The following OSTM1 variants were observed in gnomAD, a reference collection of about 807,000 sequenced individuals.
The protein encoded by OSTM1 is osteoclastogenesis associated transmembrane protein 1.
A neutral mutation model predicts 35.4 loss-of-function variants in OSTM1; 26 were observed. The ratio of observed to expected loss-of-function variants is 0.73; its 90% CI spans 0.54 to 1.02. The LOEUF (loss-of-function observed/expected upper bound fraction) is 1.02, where lower values mean the gene tolerates loss of function less well. Among genes scored for constraint, OSTM1 ranks in the 50% least tolerant of loss-of-function variants. OSTM1 has a pLI of 0.00. For missense variants in OSTM1, 366 were observed against 409.6 expected, an observed-to-expected ratio of 0.89 and a Z score of 0.92; for synonymous variants, 181 against 165.0, an observed-to-expected ratio of 1.10 and a Z score of -0.75.
rs756774154 is a variant in OSTM1, at chr6:108,051,246, A to G, written c.616-48T>C. 2.2e-6 allele frequency: 3 copies of G among 1,337,846 alleles called. No homozygotes were observed. In the Admixed American group the frequency reaches 5.2e-5, roughly 23 times the overall value. The allele number at this position is 1,337,846 out of a possible 1,614,324, so 82.9% of individuals were successfully genotyped here. ...AATATATACAATAAACATTATATAC[A>G]ATATCTCTTTAATGTAAGCTATTTA... On this transcript the variant is annotated intron_variant, in intron 3 of 5. Transcript: ENST00000193322.
chr6:108,054,136 A>T (rs1772129430), intron 3 of OSTM1, among the ~76,000 whole-genome samples: 1 of 152,252 alleles, frequency 6.6e-6, no homozygotes, highest in Non-Finnish European at 1.5e-5. Flanking sequence ...TATAGACAGA[A>T]TCATACTACA....
rs35984071 is a variant in OSTM1, at chr6:108,052,511, C to CTTTTTT, written c.616-1319_616-1314dup. ...TAATCTAGATGGGGAGTAATTTAAC[C>CTTTTTT]TTTTTTTTTTTTTTTTTTTTTGAGA... On this transcript the variant is annotated intron_variant, in intron 3 of 5. Transcript: ENST00000193322. 1.7e-3 allele frequency among the ~76,000 whole-genome samples: 180 copies of CTTTTTT among 108,078 alleles called. 3 individuals are homozygous for CTTTTTT. Among genetic ancestry groups the CTTTTTT allele is most frequent in the African/African-American group, 4.6e-3 (127 of 27,410 alleles). 70.9% of individuals were successfully genotyped at this position (108,078 alleles called of 152,430 possible). A position where few individuals can be genotyped will look rare whatever the true frequency, so the allele number is the denominator to read the frequency against.
chr6:108,053,578 T>C (rs1168693525), intron 3 of OSTM1, among the ~76,000 whole-genome samples: 1 of 152,206 alleles, frequency 6.6e-6, no homozygotes, highest in South Asian at 2.1e-4. Context: ...TGGCACGATC[T>C]CAACTCACTG....
intron 2 of OSTM1, among the ~76,000 whole-genome samples, chr6:108,061,329 T>C (rs994711049): frequency 3.3e-5 from 5 of 152,172 alleles, no homozygotes; most frequent in Non-Finnish European, 5.9e-5. Flanking sequence ...TAATGACTTA[T>C]AGGTACACAA....
chr6:108,072,615 C>G (rs550643283), intron 1 of OSTM1, among the ~76,000 whole-genome samples: 23 of 122,598 alleles, frequency 1.9e-4, no homozygotes, highest in Non-Finnish European at 3.3e-4. Flanking sequence ...CCAGCCTGGG[C>G]AACAGAGCAA....
intron 1 of OSTM1, among the ~76,000 whole-genome samples, chr6:108,073,321 A>T (rs1202332108): frequency 6.6e-6 from 1 of 152,070 alleles, no homozygotes; most frequent in Non-Finnish European, 1.5e-5. Context: ...TTTTTCCTTT[A>T]CCAAGCATAT....
intron 2 of OSTM1, 52 bp from the exon 3 acceptor site, chr6:108,054,639 T>C (rs773851825): frequency 1.2e-6 from 1 of 838,416 alleles, no homozygotes; most frequent in Non-Finnish European, 2.0e-6. Flanking sequence ...AACAATTCTA[T>C]GTTGTCATTT....
intron 2 of OSTM1, among the ~76,000 whole-genome samples, chr6:108,060,501 T>A (rs1772254024): frequency 6.6e-6 from 1 of 152,162 alleles, no homozygotes; most frequent in Admixed American, 6.5e-5. Context: ...GAGGATTGCT[T>A]GAGTCTAGGA....
At chr6:108,047,547 C>T (rs1171696032) in intron 5 of OSTM1, among the ~76,000 whole-genome samples, 1 of 152,144 alleles carries the variant, frequency 6.6e-6, no homozygotes, top group African/African-American at 2.4e-5. Flanking sequence ...CACTATGTGG[C>T]GTATGGATTT....
At chr6:108,063,459 T>C (rs1031825988) in intron 2 of OSTM1, among the ~76,000 whole-genome samples, 6 of 152,362 alleles carry the variant, frequency 3.9e-5, no homozygotes, top group African/African-American at 9.6e-5. Context: ...AAAGCATTTA[T>C]GTGTCTGTCC....
chr6:108,074,334 G>A lies in OSTM1; in HGVS notation c.318C>T (p.Ala106=), dbSNP rs145094533. Residue 106 remains alanine, a synonymous_variant, in exon 1 of 6, where the codon GCC becomes GCT. Transcript: ENST00000193322. The part of the protein sequence containing the change: ...AELTGCLVRS[A]RPVRLCQTCY... ...AGGTCTGACAGAGGCGCACGGGCCG[G>A]GCGCTGCGCACCAGACACCCTGTCA... 3.5e-5 allele frequency: 56 copies of A among 1,610,372 alleles called. No homozygotes were observed. Among genetic ancestry groups the A allele is most frequent in the Non-Finnish European group, 4.6e-5 (54 of 1,179,232 alleles).
chr6:108,067,828 T>TAAAAAAAAAA (rs60932026), intron 1 of OSTM1, among the ~76,000 whole-genome samples: 1 of 77,802 alleles, frequency 1.3e-5, no homozygotes, highest in Non-Finnish European at 2.5e-5. Context: ...AGCCTCTGTC[T>TAAAAAAAAAA]AAAAAAAAAA....
intron 1 of OSTM1, 121 bp downstream of exon 1, chr6:108,074,129 T>G: frequency 1.0e-6 from 1 of 983,948 alleles, no homozygotes; most frequent in South Asian, 1.5e-5. Context: ...CTCTACAGAC[T>G]CAGTCCAACC....
rs1772547434 is a variant in OSTM1 at position 108,074,344 on chromosome 6, AC to A, written c.307del (p.Val103CysfsTer45). The A allele has an allele frequency of 6.2e-7, 1 of 1,608,462 alleles. No homozygotes were observed. The highest frequency in any genetic ancestry group is 8.5e-7 in the Non-Finnish European group (1 of 1,178,298). On this transcript the variant is annotated frameshift_variant, in exon 1 of 6. Transcript: ENST00000193322. LOFTEE classifies it high-confidence loss of function. Reference sequence around the variant, plus strand: ...GAGGCGCACGGGCCGGGCGCTGCGCACCAGACACCCTGTCAGCTCTGCGCTG... The same window carrying A: ...GAGGCGCACGGGCCGGGCGCTGCGCACAGACACCCTGTCAGCTCTGCGCTG... ...NSSAELTGCL[V>X]RSARPVRLCQ... is the part of the protein sequence containing the mutation.
At position 108,051,142 on chromosome 6, in the gene OSTM1, G is replaced by A. The variant is rs368513018; in HGVS notation, c.672C>T (p.Cys224=). The change falls in exon 4 of 6, where the codon TGC becomes TGT. Residue 224 remains cysteine (C), a synonymous_variant. Coordinates refer to ENST00000193322, the MANE Select transcript of OSTM1 (RefSeq NM_014028.4). ...TACTCAGAGTTTTGTATGCTTCACG[G>A]CAGTTTTTGCATACTTCTGAATAAT... ...TKNYSEVCKN[C]REAYKTLSSL... The A allele has an allele frequency of 6.2e-7, 1 of 1,612,900 alleles. No individual in the cohort carries two copies. The highest frequency in any genetic ancestry group is 1.3e-5 in the African/African-American group (1 of 74,972).
rs140067068 is a variant in OSTM1, at chr6:108,043,178, C to T, written c.*1607G>A. ...GAACATGTCATTTTCTAACTCTGCA[C>T]ATGTAAACTTGTTTTATCTGCATTA... On this transcript the variant is annotated 3_prime_UTR_variant, in exon 6 of 6. Coordinates refer to ENST00000193322, the MANE Select transcript of OSTM1 (RefSeq NM_014028.4). 2.0e-4 allele frequency: 31 copies of T among 152,324 alleles called. No individual in the cohort carries two copies. The East Asian group carries it at 5.6e-3, about 27-fold the overall frequency. 9.4% of individuals were successfully genotyped at this position (152,324 alleles called of 1,614,324 possible). A position where few individuals can be genotyped will look rare whatever the true frequency, so the allele number is the denominator to read the frequency against.
chr6:108,063,185 A>C (rs1772317118), intron 2 of OSTM1, among the ~76,000 whole-genome samples: 2 of 151,960 alleles, frequency 1.3e-5, no homozygotes, highest in African/African-American at 4.8e-5. Flanking sequence ...TCTAATTTAA[A>C]AAATATATAT....
Position 108,051,140 on chromosome 6 carries a change from C to G in OSTM1, c.674G>C (p.Arg225Pro). 6.2e-7 allele frequency: 1 copy of G among 1,613,288 alleles called. No individual in the cohort carries two copies. Among genetic ancestry groups the G allele is most frequent in the Non-Finnish European group, 8.5e-7 (1 of 1,179,376 alleles). ...KNYSEVCKNC[R>P]EAYKTLSSLY... ...ACTACTCAGAGTTTTGTATGCTTCACGGCAGTTTTTGCATACTTCTGAATA... is the reference window on the plus strand; with the variant it reads ...ACTACTCAGAGTTTTGTATGCTTCAGGGCAGTTTTTGCATACTTCTGAATA... Residue 225 changes from arginine (R) to proline (P), a missense_variant, in exon 4 of 6, where the codon CGT (arginine) becomes CCT (proline). Physicochemically the swap from Arg to Pro is moderately radical, Grantham distance 103 (BLOSUM62 -2). This residue lies in a region of OSTM1 where 125 missense variants were observed against 151.7 expected (regional missense o/e 0.82). Transcript: ENST00000193322.
intron 1 of OSTM1, among the ~76,000 whole-genome samples, chr6:108,069,009 A>G (rs1582399000): frequency 1.3e-5 from 2 of 151,944 alleles, no homozygotes; most frequent in East Asian, 3.9e-4. Context: ...TTACATGTAT[A>G]CCTTCCCTCC....
Sources: gnomAD v4.1 joint callset for allele counts (sites outside exome capture counted in the v4.1 genomes callset) on GRCh38, gnomAD v4.1.1 for gene constraint, gnomAD v4.1.1 regional missense constraint, MANE v1.5 for transcripts, NCBI Gene and HGNC (gene_info 2026-07-23, HGNC 2026-07-21) for gene names.